ADAM23: variants seen among roughly 807,000 people sequenced by gnomAD.
The protein encoded by ADAM23 is ADAM metallopeptidase domain 23.
Under a neutral mutation model 120.1 loss-of-function variants are expected in ADAM23, and 33 were observed. The observed-to-expected ratio is 0.27, with a 90% CI of 0.21 to 0.37. ADAM23 has a LOEUF of 0.37. Among genes scored for constraint, ADAM23 ranks in the 10% least tolerant of loss-of-function variants. The pLI, the probability that ADAM23 is intolerant of heterozygous loss-of-function variation, is 1.00. For missense variants in ADAM23, 862 were observed against 1,058.2 expected (o/e 0.81, Z 2.57); for synonymous variants, 367 against 375.2 (o/e 0.98, Z 0.25).
chr2:206,572,442 A>T (rs1471149661), intron 17 of ADAM23, among the ~76,000 whole-genome samples: 7 of 152,172 alleles, frequency 4.6e-5, no homozygotes, highest in African/African-American at 1.7e-4. Flanking sequence ...ATAACCATAG[A>T]ATTACATAAT....
At chr2:206,579,220 A>G (rs1239384670) in intron 18 of ADAM23, among the ~76,000 whole-genome samples, 1 of 152,100 alleles carries the variant, frequency 6.6e-6, no homozygotes, top group Non-Finnish European at 1.5e-5. Context: ...TTGCCATGCA[A>G]AAGTTCTTTA....
intron 25 of ADAM23, 103 bp from the exon 26 acceptor site, chr2:206,617,476 A>G (rs1247452160): frequency 2.3e-6 from 3 of 1,306,500 alleles, no homozygotes; most frequent in East Asian, 5.0e-5. Flanking sequence ...TTGCTCTGGA[A>G]CTAGCATTAT....
intron 2 of ADAM23, among the ~76,000 whole-genome samples, chr2:206,449,361 A>G (rs968627714): frequency 1.4e-4 from 21 of 152,250 alleles, no homozygotes; most frequent in African/African-American, 4.1e-4. Flanking sequence ...AAAATGGACC[A>G]TACATTTTAA....
Position 206,464,431 on chromosome 2 carries a change from C to T in ADAM23, c.433-16801C>T, listed in dbSNP as rs529825869. 3.9e-5 allele frequency among the ~76,000 whole-genome samples: 6 copies of T among 151,988 alleles called. No homozygotes were observed. The South Asian group carries it at 8.3e-4, about 21-fold the overall frequency. ...CTCTATTAAAAATACAAAAATTAGC[C>T]GGGCGTGGTGGCACGTGCCTGTAGT... On this transcript the variant is annotated intron_variant, in intron 2 of 25. Transcript: ENST00000264377.
At chr2:206,515,331 A>G (rs528900484) in intron 3 of ADAM23, among the ~76,000 whole-genome samples, 4 of 152,292 alleles carry the variant, frequency 2.6e-5, no homozygotes, top group East Asian at 3.9e-4. Context: ...AATTAAATAT[A>G]AGTTTGCACA....
intron 18 of ADAM23, among the ~76,000 whole-genome samples, chr2:206,578,649 G>A (rs1256274472): frequency 6.6e-6 from 1 of 152,112 alleles, no homozygotes; most frequent in Non-Finnish European, 1.5e-5. Flanking sequence ...TTGGTTGATG[G>A]TCATTTGGGG....
At chr2:206,495,676 A>AT (rs1696229560) in intron 3 of ADAM23, among the ~76,000 whole-genome samples, 1 of 152,224 alleles carries the variant, frequency 6.6e-6, no homozygotes, top group Admixed American at 6.5e-5. Context: ...TAAATGGGCT[A>AT]AATGCTCCAA....
At chr2:206,483,283 G>A (rs1047932365) in intron 3 of ADAM23, among the ~76,000 whole-genome samples, 2 of 152,126 alleles carry the variant, frequency 1.3e-5, no homozygotes, top group Non-Finnish European at 2.9e-5. Context: ...GCTGAAATGG[G>A]CAGTACCAGG....
rs775313540 is a variant in ADAM23 at position 206,543,364 on chromosome 2, ACTTTGT to A, written c.720+54_720+59del. On this transcript the variant is annotated intron_variant, in intron 6 of 25. Coordinates refer to ENST00000264377, the MANE Select transcript of ADAM23 (RefSeq NM_003812.4). ...CTGATGGCGTTCTACTCCTCCAGCA[ACTTTGT>A]CTTTGAGAAGAAAAGAGAAAAGAGT... 5 of 1,483,736 alleles carry A rather than the reference ACTTTGT, an allele frequency of 3.4e-6. No individual in the cohort carries two copies. In the African/African-American group the frequency reaches 5.6e-5, roughly 17 times the overall value. The allele number at this position is 1,483,736 out of a possible 1,614,324, so 91.9% of individuals were successfully genotyped here.
rs1422926833 is a variant in ADAM23 at position 206,511,952 on chromosome 2, G to T, written c.510-18933G>T. 3.3e-5 allele frequency among the ~76,000 whole-genome samples: 5 copies of T among 152,272 alleles called. No individual in the cohort carries two copies. In the East Asian group the frequency reaches 9.7e-4, roughly 29 times the overall value. On this transcript the variant is annotated intron_variant, in intron 3 of 25. Transcript: ENST00000264377. ...ATTTTGATTGTTACATATTTCCCTA[G>T]GTATGTTACAGTGTCAGTGGCCTTG...
intron 16 of ADAM23, 75 bp from the exon 17 acceptor site, chr2:206,571,652 A>T: frequency 9.8e-7 from 1 of 1,015,320 alleles, no homozygotes; most frequent in Middle Eastern, 2.1e-4. Context: ...TGGAATATGC[A>T]TGCCACGTGT....
At chr2:206,590,351 G>A (rs997616450) in intron 21 of ADAM23, among the ~76,000 whole-genome samples, 1 of 152,158 alleles carries the variant, frequency 6.6e-6, no homozygotes, top group Admixed American at 6.5e-5. Flanking sequence ...GCCCTCCTCA[G>A]CCTCTCAAAG....
intron 18 of ADAM23, among the ~76,000 whole-genome samples, chr2:206,583,239 G>A (rs1698253802): frequency 6.6e-6 from 1 of 152,180 alleles, no homozygotes. Flanking sequence ...CGGATCACGA[G>A]GTCAGGAGAT....
Position 206,618,180 on chromosome 2 carries a change from A to C in ADAM23, c.*553A>C, listed in dbSNP as rs1698971312. The C allele has an allele frequency of 6.6e-6, 1 of 152,610 alleles. No homozygotes were observed. The allele number at this position is 152,610 out of a possible 1,614,324, so 9.5% of individuals were successfully genotyped here. Reference sequence around the variant, plus strand: ...CCTAAAGTGAAGATGACAGATGAACACAAAGAAGCTGCCTGGGCCTCTTCA... The same window carrying C: ...CCTAAAGTGAAGATGACAGATGAACCCAAAGAAGCTGCCTGGGCCTCTTCA... On this transcript the variant is annotated 3_prime_UTR_variant, in exon 26 of 26. Coordinates refer to ENST00000264377, the MANE Select transcript of ADAM23 (RefSeq NM_003812.4).
chr2:206,529,946 C>T (rs1697017372), intron 3 of ADAM23, among the ~76,000 whole-genome samples: 1 of 151,748 alleles, frequency 6.6e-6, no homozygotes. Context: ...TGTGTAGCTG[C>T]GATTACAGGT....
chr2:206,561,073 G>A, intron 11 of ADAM23, 55 bp from the exon 12 acceptor site: 1 of 1,483,902 alleles, frequency 6.7e-7, no homozygotes, highest in Non-Finnish European at 9.4e-7. Flanking sequence ...TTTTGGGAGA[G>A]TATGAAATGA....
At chr2:206,454,557 C>G (rs145136236) in intron 2 of ADAM23, among the ~76,000 whole-genome samples, 125 of 152,342 alleles carry the variant, frequency 8.2e-4, no homozygotes, top group African/African-American at 2.8e-3. Context: ...AAAGTCTTAA[C>G]TCATTCCAGT....
chr2:206,584,374 G>A lies in ADAM23; in HGVS notation c.1738-2951G>A, dbSNP rs568635224. On this transcript the variant is annotated intron_variant, in intron 18 of 25. Transcript: ENST00000264377. ...TCGTGCTTTCCAGAAAGCATCAGCT[G>A]TAGTAGTGTGGAGAGGGACCGGTAG... Among the ~76,000 whole-genome samples, 4 of 152,338 alleles carry A rather than the reference G, an allele frequency of 2.6e-5. No homozygotes were observed. The East Asian group carries it at 7.7e-4, about 29-fold the overall frequency.
Position 206,529,048 on chromosome 2 carries a change from G to A in ADAM23, c.510-1837G>A, listed in dbSNP as rs539520893. 7.2e-5 allele frequency among the ~76,000 whole-genome samples: 11 copies of A among 152,250 alleles called. No individual in the cohort carries two copies. The East Asian group carries it at 2.1e-3, about 29-fold the overall frequency. On this transcript the variant is annotated intron_variant, in intron 3 of 25. Coordinates refer to ENST00000264377, the MANE Select transcript of ADAM23 (RefSeq NM_003812.4). ...GTGCTCTTCAGGAGGCACATATTTT[G>A]TATTTCCACATTGTATAGGGAGAAA...
Sources: gnomAD v4.1 joint callset for allele counts (sites outside exome capture counted in the v4.1 genomes callset) on GRCh38, gnomAD v4.1.1 for gene constraint, MANE v1.5 for transcripts, NCBI Gene and HGNC (gene_info 2026-07-23, HGNC 2026-07-21) for gene names.